The following DCUN1D3 variants were observed in gnomAD, a reference collection of about 807,000 sequenced individuals.
DCUN1D3 encodes the protein DCN1-like protein 3.
Under a neutral mutation model 24.8 loss-of-function variants are expected in DCUN1D3, and 6 were observed. The ratio of observed to expected loss-of-function variants is 0.24; its 90% CI spans 0.13 to 0.48. The LOEUF is 0.48. Among genes scored for constraint, DCUN1D3 ranks in the 20% least tolerant of loss-of-function variants. The pLI is 0.99. For synonymous variants in DCUN1D3, 120 were observed against 144.9 expected, an observed-to-expected ratio of 0.83 and a Z score of 1.24; for missense variants, 258 against 379.4, an observed-to-expected ratio of 0.68 and a Z score of 2.66.
chr16:20,873,377 ATCAAAGG>A (rs2081798987), intron 1 of DCUN1D3, among the ~76,000 whole-genome samples: 1 of 152,230 alleles, frequency 6.6e-6, no homozygotes, highest in Non-Finnish European at 1.5e-5. Flanking sequence ...CAGTCCCCTT[ATCAAAGG>A]TTTAACATCA....
chr16:20,860,518 G>T lies in DCUN1D3; in HGVS notation c.432-149C>A. ...ACTAATTAGTCCTATTTCCTTACTT[G>T]TCAAATGGTAAAAATACCACCTTAC... On this transcript the variant is annotated intron_variant, in intron 2 of 2. Transcript: ENST00000324344. The surrounding 1 kb of genome is among the most constrained non-coding windows in gnomAD (Gnocchi z 4.3). 2 of 864,242 alleles carry T rather than the reference G, an allele frequency of 2.3e-6. No individual in the cohort carries two copies. The highest frequency in any genetic ancestry group is 5.3e-5 in the East Asian group (2 of 37,410). 53.5% of individuals were successfully genotyped at this position (864,242 alleles called of 1,614,324 possible). A position where few individuals can be genotyped will look rare whatever the true frequency, so the allele number is the denominator to read the frequency against.
At chr16:20,884,860 G>A (rs915272146) in intron 1 of DCUN1D3, among the ~76,000 whole-genome samples, 3 of 151,964 alleles carry the variant, frequency 2.0e-5, no homozygotes, top group African/African-American at 7.2e-5. Flanking sequence ...AGGTTGCAGG[G>A]AACCATGATT....
chr16:20,881,282 C>T lies in DCUN1D3; in HGVS notation c.-105-18639G>A, dbSNP rs531894404. On this transcript the variant is annotated intron_variant, in intron 1 of 2. Coordinates refer to ENST00000324344, the MANE Select transcript of DCUN1D3 (RefSeq NM_173475.4). The stretch of plus-strand genomic sequence containing the variant: ...ATTAAGTGGGTGTGATGATGTACAC[C>T]TCTAGTCCCAGCTACTCAGGAGGCT... Among the ~76,000 whole-genome samples the T allele has an allele frequency of 2.0e-5, 3 of 152,236 alleles. No homozygotes were observed. The East Asian group carries it at 5.8e-4, about 29-fold the overall frequency.
chr16:20,867,517 C>T (rs942437786), intron 1 of DCUN1D3, among the ~76,000 whole-genome samples: 5 of 152,298 alleles, frequency 3.3e-5, no homozygotes, highest in East Asian at 1.9e-4. Flanking sequence ...CTGAAAAGGA[C>T]GCCCAACTGC....
At chr16:20,896,638 A>G (rs1381816908) in intron 1 of DCUN1D3, among the ~76,000 whole-genome samples, 1 of 152,220 alleles carries the variant, frequency 6.6e-6, no homozygotes, top group Non-Finnish European at 1.5e-5. Flanking sequence ...TTGAGTTACA[A>G]TAAACCATTG....
chr16:20,876,245 G>A (rs1391347432), intron 1 of DCUN1D3, among the ~76,000 whole-genome samples: 1 of 152,120 alleles, frequency 6.6e-6, no homozygotes, highest in Non-Finnish European at 1.5e-5. Flanking sequence ...GGGATTACAG[G>A]CTCGAGCCAC....
intron 1 of DCUN1D3, among the ~76,000 whole-genome samples, chr16:20,889,000 G>A (rs1297981056): frequency 3.9e-5 from 6 of 152,124 alleles, no homozygotes; most frequent in Admixed American, 3.9e-4. Context: ...GGCCAAGGTG[G>A]GTAGATCACT....
At position 20,874,384 on chromosome 16, in the gene DCUN1D3, C is replaced by T. The variant is rs543725753; in HGVS notation, c.-105-11741G>A. Among the ~76,000 whole-genome samples, 6 of 152,294 alleles carry T rather than the reference C, an allele frequency of 3.9e-5. No homozygotes were observed. In the East Asian group the frequency reaches 7.7e-4, roughly 20 times the overall value. On this transcript the variant is annotated intron_variant, in intron 1 of 2. Transcript: ENST00000324344. ...ATCTTTCCAATTGCAATTTTTACAC[C>T]GTTAGACCTCCTTCAAGTAGATATG... is the stretch of plus-strand genomic sequence containing the variant.
intron 1 of DCUN1D3, among the ~76,000 whole-genome samples, chr16:20,884,018 G>A (rs2081857329): frequency 6.6e-6 from 1 of 152,144 alleles, no homozygotes; most frequent in African/African-American, 2.4e-5. Flanking sequence ...TAAACTAAAA[G>A]GTTATTCTAC....
intron 1 of DCUN1D3, among the ~76,000 whole-genome samples, chr16:20,880,240 C>T (rs1044645917): frequency 6.6e-6 from 1 of 152,096 alleles, no homozygotes; most frequent in African/African-American, 2.4e-5. Context: ...AGGCTGTTGT[C>T]ATTTTAGTGA....
chr16:20,863,964 A>T (rs1178008172), intron 1 of DCUN1D3, among the ~76,000 whole-genome samples: 1 of 152,198 alleles, frequency 6.6e-6, no homozygotes, highest in Non-Finnish European at 1.5e-5. Flanking sequence ...CATATACAAA[A>T]ATCAACTCAA....
intron 1 of DCUN1D3, among the ~76,000 whole-genome samples, chr16:20,870,855 G>A (rs2081784835): frequency 6.6e-6 from 1 of 152,178 alleles, no homozygotes; most frequent in East Asian, 1.9e-4. Context: ...CCAAAGGCCA[G>A]AGAACATAAG....
In DCUN1D3 at chr16:20,859,245, A is replaced by T. The variant is rs1483477920; in HGVS notation, c.*641T>A. 1 of 152,656 alleles carries T rather than the reference A, an allele frequency of 6.6e-6. No individual in the cohort carries two copies. Among genetic ancestry groups the T allele is most frequent in the Non-Finnish European group, 1.5e-5 (1 of 68,038 alleles). 9.5% of individuals were successfully genotyped at this position (152,656 alleles called of 1,614,324 possible). ...CAGGGTTCTGGATAAATTAGCTTAA[A>T]AGGGGGTTGTCACCAGACTACAAAT... On this transcript the variant is annotated 3_prime_UTR_variant, in exon 3 of 3. Transcript: ENST00000324344.
chr16:20,875,314 G>A (rs184972347), intron 1 of DCUN1D3, among the ~76,000 whole-genome samples: 27 of 151,776 alleles, frequency 1.8e-4, no homozygotes, highest in Admixed American at 1.2e-3. Context: ...TCTGAATTGC[G>A]TTCAGTGTCT....
chr16:20,865,057 G>A (rs1374568771), intron 1 of DCUN1D3, among the ~76,000 whole-genome samples: 1 of 151,890 alleles, frequency 6.6e-6, no homozygotes, highest in African/African-American at 2.4e-5. Context: ...TTAACACCTG[G>A]GTGATGAAAT....
At chr16:20,869,571 A>C (rs2081778386) in intron 1 of DCUN1D3, among the ~76,000 whole-genome samples, 1 of 152,194 alleles carries the variant, frequency 6.6e-6, no homozygotes, top group African/African-American at 2.4e-5. Context: ...AGTTTCAGAG[A>C]GAAGGCAGGT....
In DCUN1D3 at chr16:20,860,044, T is replaced by G; in HGVS notation, c.757A>C (p.Ile253Leu). Residue 253 changes from isoleucine (I) to leucine (L), a missense_variant, in exon 3 of 3, where the codon ATT (isoleucine) becomes CTT (leucine). Physicochemically the swap from Ile to Leu is conservative, Grantham distance 5. Transcript: ENST00000324344. The surrounding 1 kb of genome is among the most constrained non-coding windows in gnomAD (Gnocchi z 4.3). ...WNMFLNFTQV[I>L]GPDLSNYSED... ...CTGTAGTTGCTGAGGTCAGGGCCAATCACCTGAGTGAAGTTAAGGAACATG... is the reference window on the plus strand; with the variant it reads ...CTGTAGTTGCTGAGGTCAGGGCCAAGCACCTGAGTGAAGTTAAGGAACATG... 6.2e-7 allele frequency: 1 copy of G among 1,614,242 alleles called. No homozygotes were observed. The highest frequency in any genetic ancestry group is 8.5e-7 in the Non-Finnish European group (1 of 1,180,048).
At chr16:20,892,189 G>C (rs989594808) in intron 1 of DCUN1D3, among the ~76,000 whole-genome samples, 12 of 152,276 alleles carry the variant, frequency 7.9e-5, no homozygotes, top group African/African-American at 2.9e-4. Flanking sequence ...GTAAATGACT[G>C]AACAACTGAC....
At chr16:20,865,914 C>T (rs186912639) in intron 1 of DCUN1D3, among the ~76,000 whole-genome samples, 1 of 152,212 alleles carries the variant, frequency 6.6e-6, no homozygotes, top group Admixed American at 6.5e-5. Context: ...AAGGCCTGTC[C>T]CCTTCTCCAC....
Sources: allele counts gnomAD v4.1 joint callset (sites outside exome capture counted in the v4.1 genomes callset), GRCh38; gene constraint gnomAD v4.1.1; non-coding constraint Gnocchi (gnomAD v3.1); transcripts MANE v1.5; gene names NCBI Gene and HGNC (gene_info 2026-07-23, HGNC 2026-07-21).